The following PNISR variants were observed in gnomAD, a reference collection of about 807,000 sequenced individuals.
PNISR encodes the protein arginine/serine-rich protein PNISR.
A neutral mutation model predicts 93.4 loss-of-function variants in PNISR; 20 were observed. The ratio of observed to expected loss-of-function variants is 0.21; its 90% CI spans 0.15 to 0.31. The LOEUF (loss-of-function observed/expected upper bound fraction) is 0.31, where lower values mean the gene tolerates loss of function less well. PNISR is among the 10% of genes least tolerant of loss of function. PNISR has a pLI of 1.00. For synonymous variants in PNISR, 305 were observed against 306.5 expected, an observed-to-expected ratio of 0.99 and a Z score of 0.05; for missense variants, 893 against 985.4, an observed-to-expected ratio of 0.91 and a Z score of 1.25.
chr6:99,414,745 C>A (rs1777438991), intron 2 of PNISR, 55 bp from the exon 3 acceptor site: 1 of 721,064 alleles, frequency 1.4e-6, no homozygotes, highest in Non-Finnish European at 2.2e-6. Context: ...AATCTTAAAA[C>A]CTCACATCAG....
chr6:99,403,474 C>G (rs4263591), intron 10 of PNISR: 1 of 156,258 alleles, frequency 6.4e-6, no homozygotes, highest in Admixed American at 6.4e-5. Flanking sequence ...TGCAATAATT[C>G]TGAAAGTGAG....
chr6:99,410,113 G>A (rs565461682), intron 5 of PNISR: 16 of 152,234 alleles, frequency 1.1e-4, no homozygotes, highest in Admixed American at 9.2e-4. Flanking sequence ...GTTAATAATT[G>A]CAATCAGTTA....
intron 1 of PNISR, among the ~76,000 whole-genome samples, chr6:99,417,860 T>C (rs914727220): frequency 6.7e-6 from 1 of 149,292 alleles, no homozygotes; most frequent in African/African-American, 2.5e-5. Context: ...CCCAGCTACT[T>C]GGGAGGCTGA....
Position 99,400,095 on chromosome 6 carries a change from A to T in PNISR, c.*445T>A, listed in dbSNP as rs1346460064. On this transcript the variant is annotated 3_prime_UTR_variant, in exon 12 of 12. Coordinates refer to ENST00000369239, the MANE Select transcript of PNISR (RefSeq NM_032870.4). ...GCACTATATTTTTTGAAAAAAACGT[A>T]ATACAAAGAAATCCTATTAAGTAAC... 2.6e-5 allele frequency: 4 copies of T among 155,566 alleles called. No homozygotes were observed. The highest frequency in any genetic ancestry group is 7.2e-5 in the African/African-American group (3 of 41,528). The allele number at this position is 155,566 out of a possible 1,614,324, so 9.6% of individuals were successfully genotyped here.
rs1025950358 is a variant in PNISR at position 99,399,227 on chromosome 6, GAGTA to G, written c.*1309_*1312del. On this transcript the variant is annotated 3_prime_UTR_variant, in exon 12 of 12. Coordinates refer to ENST00000369239, the MANE Select transcript of PNISR (RefSeq NM_032870.4). ...TGTTTTCAGAGATTCATTTATCACT[GAGTA>G]AGTGATTACATAAAAAAATGGACCC... 39 of 152,118 alleles carry G rather than the reference GAGTA, an allele frequency of 2.6e-4. 1 individual carries two copies. In the Middle Eastern group the frequency reaches 0.01, roughly 40 times the overall value. The allele number at this position is 152,118 out of a possible 1,614,324, so 9.4% of individuals were successfully genotyped here.
intron 1 of PNISR, among the ~76,000 whole-genome samples, chr6:99,424,746 G>A (rs1007661107): frequency 2.6e-5 from 4 of 152,240 alleles, no homozygotes; most frequent in Non-Finnish European, 5.9e-5. Context: ...TACCTTTAGC[G>A]AAGCTTAACA....
At chr6:99,418,004 C>A (rs538910333) in intron 1 of PNISR, among the ~76,000 whole-genome samples, 1 of 151,216 alleles carries the variant, frequency 6.6e-6, no homozygotes, top group East Asian at 1.9e-4. Flanking sequence ...TCAAGCCAAC[C>A]CACTTCTGCT....
rs1432686477 is a variant in PNISR at position 99,413,088 on chromosome 6, C to A, written c.89-349G>T. Among the ~76,000 whole-genome samples, 3 of 12,428 alleles carry A rather than the reference C, an allele frequency of 2.4e-4. No homozygotes were observed. In the Non-Finnish European group the frequency reaches 2.5e-3, roughly 10 times the overall value. 8.2% of individuals were successfully genotyped at this position (12,428 alleles called of 152,430 possible). On this transcript the variant is annotated intron_variant, in intron 3 of 11. Transcript: ENST00000369239. ...TTTACTGAATTTTTAAATGTCATCA[C>A]CTTTACAAAAAAAAAATCACCACAA...
At position 99,403,761 on chromosome 6, in the gene PNISR, C is replaced by A. The variant is rs1775808240; in HGVS notation, c.1156+68G>T. On this transcript the variant is annotated intron_variant, in intron 10 of 11. Coordinates refer to ENST00000369239, the MANE Select transcript of PNISR (RefSeq NM_032870.4). The stretch of plus-strand genomic sequence containing the variant: ...GGACTAATACAGTTTCAAAATAGAA[C>A]ACGCAGAGAGACAATGTATGTGTGA... The A allele has an allele frequency of 4.4e-6, 5 of 1,132,766 alleles. No homozygotes were observed. In the South Asian group the frequency reaches 6.5e-5, roughly 15 times the overall value. The allele number at this position is 1,132,766 out of a possible 1,614,324, so 70.2% of individuals were successfully genotyped here.
intron 1 of PNISR, among the ~76,000 whole-genome samples, chr6:99,420,617 C>T (rs1173972386): frequency 6.6e-6 from 1 of 152,138 alleles, no homozygotes; most frequent in Non-Finnish European, 1.5e-5. Flanking sequence ...AGGCACAACA[C>T]ACAGTAATCA....
rs748588109 is a variant in PNISR, at chr6:99,401,174, C to T, written c.1784G>A (p.Arg595Lys). 6.2e-7 allele frequency: 1 copy of T among 1,613,766 alleles called. No individual in the cohort carries two copies. The highest frequency in any genetic ancestry group is 2.2e-5 in the East Asian group (1 of 44,882). Residue 595 changes from arginine (R) to lysine (K), a missense_variant, in exon 12 of 12, where the codon AGG becomes AAG. By Grantham distance (26) the Arg-to-Lys change is conservative (BLOSUM62 2). This residue lies in a region of PNISR where 866 missense variants were observed against 935.1 expected (regional missense o/e 0.93). Transcript: ENST00000369239. ...NRARVKIRDR[R>K]RSNRNSIERE... Reference sequence around the variant, plus strand: ...TTCAATGCTATTTCTATTAGATCTCCTTCTATCTCTAATCTTTACCCTAGC... The same window carrying T: ...TTCAATGCTATTTCTATTAGATCTCTTTCTATCTCTAATCTTTACCCTAGC...
At position 99,402,609 on chromosome 6, in the gene PNISR, G is replaced by T. The variant is rs760016092; in HGVS notation, c.1258C>A (p.Arg420=). Residue 420 remains arginine (R), a synonymous_variant, in exon 11 of 12, where the codon CGG becomes AGG. Transcript: ENST00000369239. The part of the protein sequence containing the change: ...TDDEELRHRI[R]QKQEAFWRKE... ...CTCCAAAAAGCTTCCTGTTTTTGCC[G>T]GATTCGATGCCGTAATTCTTCATCA... The T allele has an allele frequency of 6.2e-7, 1 of 1,613,154 alleles. No individual in the cohort carries two copies.
At chr6:99,407,124 A>G (rs1179655125) in intron 7 of PNISR, among the ~76,000 whole-genome samples, 1 of 152,168 alleles carries the variant, frequency 6.6e-6, no homozygotes, top group East Asian at 1.9e-4. Context: ...GTTCAAGACC[A>G]GCCTGGGCAA....
At chr6:99,402,891 A>G (rs1775700373) in intron 10 of PNISR, 181 bp from the exon 11 acceptor site, 1 of 443,484 alleles carries the variant, frequency 2.3e-6, no homozygotes, top group Admixed American at 3.7e-5. Context: ...ACCTTCAGGC[A>G]AAGGTTACTT....
chr6:99,400,997 T>G lies in PNISR; in HGVS notation c.1961A>C (p.His654Pro). The G allele has an allele frequency of 6.2e-7, 1 of 1,613,620 alleles. No individual in the cohort carries two copies. Among genetic ancestry groups the G allele is most frequent in the African/African-American group, 1.3e-5 (1 of 75,048 alleles). The part of the protein sequence containing the change: ...DQRGNLSGNS[H>P]KHKGEAKEQE... ...TTCTTTAGCCTCACCTTTATGCTTA[T>G]GACTGTTCCCACTAAGATTTCCACG... Residue 654 changes from histidine (H) to proline (P), a missense_variant, in exon 12 of 12, where the codon CAT (histidine) becomes CCT (proline). Transcript: ENST00000369239.
intron 3 of PNISR, 113 bp from the exon 4 acceptor site, chr6:99,412,852 GA>G (rs1378944890): frequency 3.0e-6 from 2 of 663,428 alleles, no homozygotes; most frequent in Non-Finnish European, 4.6e-6. Flanking sequence ...ATTTCAGACA[GA>G]GAGGGTATGA....
intron 1 of PNISR, among the ~76,000 whole-genome samples, chr6:99,421,465 C>T (rs1778541160): frequency 6.6e-6 from 1 of 152,066 alleles, no homozygotes; most frequent in Non-Finnish European, 1.5e-5. Context: ...ACAGTGAGTT[C>T]ATATTTGATT....
chr6:99,399,292 T>C lies in PNISR; in HGVS notation c.*1248A>G, dbSNP rs11961608. Reference sequence around the variant, plus strand: ...GAGTTAAAATGCTTTGAGAGCCCCATTCTACTTGTAAGTTATCAATGCCTT... The same window carrying C: ...GAGTTAAAATGCTTTGAGAGCCCCACTCTACTTGTAAGTTATCAATGCCTT... On this transcript the variant is annotated 3_prime_UTR_variant, in exon 12 of 12. Coordinates refer to ENST00000369239, the MANE Select transcript of PNISR (RefSeq NM_032870.4). 27 of 152,122 alleles carry C rather than the reference T, an allele frequency of 1.8e-4. No individual in the cohort carries two copies. Among genetic ancestry groups the C allele is most frequent in the African/African-American group, 6.3e-4 (26 of 41,446 alleles). The allele number at this position is 152,122 out of a possible 1,614,324, so 9.4% of individuals were successfully genotyped here.
intron 6 of PNISR, 38 bp downstream of exon 6, chr6:99,409,135 T>C (rs1425296957): frequency 2.0e-6 from 3 of 1,537,634 alleles, no homozygotes; most frequent in Non-Finnish European, 2.7e-6. Context: ...AAAAAAGTCA[T>C]GCCAATTGTG....
Sources: allele counts gnomAD v4.1 joint callset (sites outside exome capture counted in the v4.1 genomes callset), GRCh38; gene constraint gnomAD v4.1.1; regional missense constraint gnomAD v4.1.1; transcripts MANE v1.5; gene names NCBI Gene and HGNC (gene_info 2026-07-23, HGNC 2026-07-21).